Variants in DAB1 observed in about 807,000 individuals in gnomAD.
DAB1 encodes DAB adaptor protein 1.
A neutral mutation model predicts 64.6 loss-of-function variants in DAB1; 15 were observed. The ratio of observed to expected loss-of-function variants is 0.23; its 90% CI spans 0.16 to 0.36. The LOEUF (loss-of-function observed/expected upper bound fraction) is 0.36. DAB1 is among the 10% of genes least tolerant of loss of function. The pLI is 1.00. For synonymous variants in DAB1, 235 were observed against 251.9 expected (o/e 0.93, Z 0.64); for missense variants, 596 against 706.7 (o/e 0.84, Z 1.78).
intron 5 of DAB1, among the ~76,000 whole-genome samples, chr1:57,920,849 A>G (rs1427987189): frequency 6.6e-6 from 1 of 152,166 alleles, no homozygotes; most frequent in Non-Finnish European, 1.5e-5. Context: ...CTGGGACTAT[A>G]AATTGGCACA....
chr1:57,082,479 C>T (rs1246808853), intron 4 of DAB1, among the ~76,000 whole-genome samples: 1 of 152,194 alleles, frequency 6.6e-6, no homozygotes, highest in Non-Finnish European at 1.5e-5. Flanking sequence ...TGCATCAATA[C>T]ATATTAGCCA....
At chr1:57,910,027 G>A (rs1297837615) in intron 5 of DAB1, among the ~76,000 whole-genome samples, 1 of 152,160 alleles carries the variant, frequency 6.6e-6, no homozygotes, top group African/African-American at 2.4e-5. Flanking sequence ...CTCATAAATA[G>A]GACAGCTGAC....
chr1:57,608,394 A>AAG (rs565399713), intron 7 of DAB1, among the ~76,000 whole-genome samples: 3,230 of 150,718 alleles, frequency 0.021, 117 homozygotes, highest in African/African-American at 0.075. Context: ...ATATTAAAAA[A>AAG]AGAGAGAGAG....
chr1:57,611,454 T>C (rs540247742), intron 7 of DAB1, among the ~76,000 whole-genome samples: 1 of 152,352 alleles, frequency 6.6e-6, no homozygotes, highest in South Asian at 2.1e-4. Context: ...ATAGTTATTA[T>C]TGTAGTGAAC....
At chr1:58,425,968 C>T (rs936432158) in intron 3 of DAB1, among the ~76,000 whole-genome samples, 1 of 152,018 alleles carries the variant, frequency 6.6e-6, no homozygotes, top group African/African-American at 2.4e-5. Flanking sequence ...ATCTTTAAAA[C>T]AATGATTGTC....
chr1:57,223,137 C>T (rs1292769186), intron 2 of DAB1, among the ~76,000 whole-genome samples: 1 of 152,144 alleles, frequency 6.6e-6, no homozygotes, highest in East Asian at 1.9e-4. Context: ...GCCAAAATGC[C>T]TCTCCTCCTT....
Position 57,594,226 on chromosome 1 carries a change from G to A in DAB1, n.625+55366C>T, listed in dbSNP as rs77770874. Among the ~76,000 whole-genome samples the A allele has an allele frequency of 7.2e-5, 11 of 152,304 alleles. 1 individual carries two copies. In the East Asian group the frequency reaches 2.1e-3, roughly 29 times the overall value. On this transcript the variant is annotated intron_variant and non_coding_transcript_variant, in intron 7 of 20. Coordinates refer to the DAB1 transcript ENST00000485760. ...TGCTCTACATATGAAAGCTATGAAA[G>A]ATTTCCAAATAGGAACATCTGGAAA...
intron 1 of DAB1, among the ~76,000 whole-genome samples, chr1:57,293,256 C>T (rs1333653233): frequency 6.6e-6 from 1 of 152,130 alleles, no homozygotes; most frequent in Non-Finnish European, 1.5e-5. Flanking sequence ...AGGTTCAGTT[C>T]AAAGAGACAT....
rs184477543 is a variant in DAB1, at chr1:58,005,824, T to C, written n.388-121662A>G. 1.8e-4 allele frequency among the ~76,000 whole-genome samples: 27 copies of C among 152,292 alleles called. No individual in the cohort carries two copies. In the East Asian group the frequency reaches 5.2e-3, roughly 29 times the overall value. ...AGGCAAGGCTTTGTGCTAAGAAATA[T>C]ATGTCCCATTCATTATGATATTTAA... On this transcript the variant is annotated intron_variant and non_coding_transcript_variant, in intron 5 of 20. Coordinates refer to the DAB1 transcript ENST00000485760.
At chr1:57,184,171 G>A (rs1344337559) in intron 2 of DAB1, among the ~76,000 whole-genome samples, 1 of 152,222 alleles carries the variant, frequency 6.6e-6, no homozygotes, top group East Asian at 1.9e-4. Flanking sequence ...GTTAACAGGA[G>A]GGTCTTGGTA....
rs540222331 is a variant in DAB1, at chr1:57,965,420, C to A, written n.388-81258G>T. Among the ~76,000 whole-genome samples, 4 of 152,224 alleles carry A rather than the reference C, an allele frequency of 2.6e-5. No individual in the cohort carries two copies. The East Asian group carries it at 7.7e-4, about 29-fold the overall frequency. ...TCACTTTGGGTGATCTAATTCTATT[C>A]TCTAACCTCTGGCCTCTTCGTAACA... On this transcript the variant is annotated intron_variant and non_coding_transcript_variant, in intron 5 of 20. Coordinates refer to the DAB1 transcript ENST00000485760.
At chr1:57,179,260 T>C (rs946287896) in intron 2 of DAB1, among the ~76,000 whole-genome samples, 3 of 152,156 alleles carry the variant, frequency 2.0e-5, no homozygotes, top group African/African-American at 7.2e-5. Flanking sequence ...ACTGCTTGTA[T>C]TTAAATGAGA....
chr1:57,804,352 A>C (rs1651265318), intron 6 of DAB1, among the ~76,000 whole-genome samples: 1 of 152,126 alleles, frequency 6.6e-6, no homozygotes, highest in South Asian at 2.1e-4. Flanking sequence ...TCTGGGAACC[A>C]CAAGGGGTGA....
intron 6 of DAB1, among the ~76,000 whole-genome samples, chr1:57,775,671 A>G (rs540742305): frequency 3.3e-5 from 5 of 151,800 alleles, no homozygotes. Flanking sequence ...AAGAAAGTGT[A>G]TTCTGCTGTT....
chr1:58,249,082 AG>A (rs1435122255), intron 4 of DAB1, among the ~76,000 whole-genome samples: 1 of 152,096 alleles, frequency 6.6e-6, no homozygotes, highest in Non-Finnish European at 1.5e-5. Flanking sequence ...TTGGAAAGCA[AG>A]GGGACACACC....
At chr1:57,621,505 T>C (rs550237137) in intron 7 of DAB1, among the ~76,000 whole-genome samples, 1 of 152,002 alleles carries the variant, frequency 6.6e-6, no homozygotes, top group Admixed American at 6.6e-5. Context: ...GGATTTCCAG[T>C]TTCTGCAGGG....
At chr1:57,884,679 C>T (rs957269546), upstream of DAB1, among the ~76,000 whole-genome samples, 10 of 152,186 alleles carry the variant, frequency 6.6e-5, no homozygotes, top group East Asian at 3.8e-4. Flanking sequence ...TCCATATCCT[C>T]ATTGCTATAG....
At chr1:57,365,211 T>C (rs1487407558) in intron 1 of DAB1, among the ~76,000 whole-genome samples, 1 of 142,436 alleles carries the variant, frequency 7.0e-6, no homozygotes, top group East Asian at 2.0e-4. Context: ...AATATATAAA[T>C]ATATATTTAT....
intron 4 of DAB1, among the ~76,000 whole-genome samples, chr1:58,300,646 GAGGAAGGAAGGAAGGAAGGAAGGA>G (rs750819465): frequency 1.7e-5 from 1 of 57,292 alleles, no homozygotes; most frequent in Non-Finnish European, 3.5e-5. Context: ...GAGAGAGAGA[GAGGAAGGAAGGAAGGAAGGAAGGA>G]AGGAAGGAAG....
Sources: allele counts gnomAD v4.1 joint callset (sites outside exome capture counted in the v4.1 genomes callset), GRCh38; gene constraint gnomAD v4.1.1; transcripts MANE v1.5; gene names NCBI Gene and HGNC (gene_info 2026-07-23, HGNC 2026-07-21).